CTNND1: variants seen among roughly 807,000 people sequenced by gnomAD.
The protein encoded by CTNND1 is catenin delta 1.
CTNND1 carries 16 observed loss-of-function variants against 112.1 expected under a neutral mutation model. The ratio of observed to expected loss-of-function variants is 0.14; its 90% CI spans 0.10 to 0.22. The LOEUF (loss-of-function observed/expected upper bound fraction) is 0.22, where lower values mean the gene tolerates loss of function less well. CTNND1 is among the 10% of genes least tolerant of loss of function. The pLI is 1.00. For synonymous variants in CTNND1, 420 were observed against 446.5 expected (o/e 0.94, Z 0.75); for missense variants, 1,008 against 1,257.0 (o/e 0.80, Z 3.00).
chr11:57,808,036 T>A, intron 12 of CTNND1, 129 bp from the exon 13 acceptor site: 1 of 978,188 alleles, frequency 1.0e-6, no homozygotes, highest in Admixed American at 2.9e-5. Flanking sequence ...TGTGAGAGAG[T>A]TTAGGGAACC....
intron 1 of CTNND1, among the ~76,000 whole-genome samples, chr11:57,774,976 G>T (rs1319269715): frequency 1.3e-5 from 2 of 151,340 alleles, no homozygotes; most frequent in Admixed American, 6.6e-5. Context: ...GCCTCCCAAA[G>T]TGCTGGGATT....
intron 1 of CTNND1, among the ~76,000 whole-genome samples, chr11:57,771,936 CTTTT>C (rs746241186): frequency 6.9e-6 from 1 of 144,028 alleles, no homozygotes; most frequent in Non-Finnish European, 1.5e-5. Context: ...TTTTCTTTTT[CTTTT>C]TTTTTTTTCT....
intron 1 of CTNND1, among the ~76,000 whole-genome samples, chr11:57,763,302 A>G (rs1035684619): frequency 3.3e-5 from 5 of 152,176 alleles, no homozygotes; most frequent in African/African-American, 1.2e-4. Flanking sequence ...CCTGAAAATT[A>G]TAGATGCTGT....
intron 7 of CTNND1, 80 bp from the exon 8 acceptor site, chr11:57,803,541 G>A (rs543106819): frequency 2.7e-6 from 3 of 1,119,600 alleles, no homozygotes; most frequent in Middle Eastern, 2.5e-4. Flanking sequence ...GAAGTGATAC[G>A]ATAGGGGGAT....
intron 11 of CTNND1, 64 bp downstream of exon 11, chr11:57,806,542 T>G: frequency 2.1e-6 from 3 of 1,425,098 alleles, no homozygotes; most frequent in Non-Finnish European, 2.9e-6. Context: ...TTAGCTTCCC[T>G]AGTATGTCCT....
intron 1 of CTNND1, among the ~76,000 whole-genome samples, chr11:57,772,219 A>G (rs1180717814): frequency 6.6e-6 from 1 of 151,042 alleles, no homozygotes; most frequent in Non-Finnish European, 1.5e-5. Flanking sequence ...GGTGTGAGCT[A>G]CTGTGCCCAG....
At chr11:57,792,415 C>CT (rs2060846552) in intron 3 of CTNND1, among the ~76,000 whole-genome samples, 1 of 152,216 alleles carries the variant, frequency 6.6e-6, no homozygotes, top group South Asian at 2.1e-4. Context: ...CTGTCTTCCT[C>CT]TGTGTGTGTG....
chr11:57,799,690 A>C (rs540561036), intron 6 of CTNND1, among the ~76,000 whole-genome samples: 1 of 152,202 alleles, frequency 6.6e-6, no homozygotes, highest in Non-Finnish European at 1.5e-5. Context: ...CTTTGTATAG[A>C]AAAGGATATA....
chr11:57,804,876 G>A lies in CTNND1; in HGVS notation c.1722+96G>A, dbSNP rs1228109912. ...GAGACCTATCATCTCAGGCTTTCAA[G>A]TAACATTAAATATTTATACTGTCCC... On this transcript the variant is annotated intron_variant, in intron 9 of 20. Transcript: ENST00000399050. 5 of 870,990 alleles carry A rather than the reference G, an allele frequency of 5.7e-6. No homozygotes were observed. The East Asian group carries it at 1.3e-4, about 23-fold the overall frequency. The allele number at this position is 870,990 out of a possible 1,614,324, so 54.0% of individuals were successfully genotyped here. A position where few individuals can be genotyped will look rare whatever the true frequency, so the allele number is the denominator to read the frequency against.
chr11:57,775,743 G>A (rs1293302665), intron 1 of CTNND1, among the ~76,000 whole-genome samples: 1 of 152,124 alleles, frequency 6.6e-6, no homozygotes, highest in Non-Finnish European at 1.5e-5. Context: ...AATATGGGTG[G>A]GGGAGGGGCT....
rs750954167 is a variant in CTNND1, at chr11:57,808,406, G to A, written c.2108G>A (p.Arg703His). The change falls in exon 14 of 21, where the codon CGC becomes CAC. Residue 703 changes from arginine to histidine, a missense_variant. Coordinates refer to ENST00000399050, the MANE Select transcript of CTNND1 (RefSeq NM_001085458.2). ...CTATTCTAGTATGGTCGATACATCC[G>A]CTCTGCTCTGCGTCAAGAGAAGGCT... is the stretch of plus-strand genomic sequence containing the variant. ...AGRWTYGRYI[R>H]SALRQEKALS... 1.9e-6 allele frequency: 3 copies of A among 1,610,750 alleles called. No homozygotes were observed. Among genetic ancestry groups the A allele is most frequent in the South Asian group, 1.1e-5 (1 of 90,736 alleles).
chr11:57,777,158 ATGGC>A (rs1224573334), intron 1 of CTNND1, among the ~76,000 whole-genome samples: 1 of 152,198 alleles, frequency 6.6e-6, no homozygotes, highest in African/African-American at 2.4e-5. Context: ...AGAGTTTGCA[ATGGC>A]TGGGCTCTGC....
Position 57,790,164 on chromosome 11 carries a change from C to T in CTNND1, c.-95+1009C>T, listed in dbSNP as rs144382320. ...CGGTGCCATCTCGGCTCACTACACTCTCCGTCTCCTGGGTTCACGCAATTC... is the reference window on the plus strand; with the variant it reads ...CGGTGCCATCTCGGCTCACTACACTTTCCGTCTCCTGGGTTCACGCAATTC... On this transcript the variant is annotated intron_variant, in intron 2 of 20. Transcript: ENST00000399050. 3.3e-5 allele frequency among the ~76,000 whole-genome samples: 5 copies of T among 152,210 alleles called. 1 individual carries two copies. In the East Asian group the frequency reaches 9.6e-4, roughly 29 times the overall value.
At chr11:57,807,226 T>C (rs1484989815) in intron 12 of CTNND1, among the ~76,000 whole-genome samples, 2 of 152,224 alleles carry the variant, frequency 1.3e-5, no homozygotes, top group Admixed American at 6.5e-5. Context: ...GATGGTAGTA[T>C]AGAGCAGAAA....
intron 17 of CTNND1, among the ~76,000 whole-genome samples, chr11:57,813,638 C>T (rs1435808335): frequency 2.0e-5 from 3 of 152,032 alleles, no homozygotes; most frequent in Non-Finnish European, 2.9e-5. Context: ...GAAGAATAAC[C>T]ACAATTATCT....
intron 2 of CTNND1, among the ~76,000 whole-genome samples, chr11:57,790,638 A>G (rs894499267): frequency 7.1e-6 from 1 of 141,432 alleles, no homozygotes; most frequent in African/African-American, 2.7e-5. Flanking sequence ...GCTCACTGTA[A>G]GCTCCACCTC....
In CTNND1 at chr11:57,818,190, C is replaced by T. The variant is rs708228; in HGVS notation, c.*1882C>T. ...TCTCTTGTCCTCTTCTGCTCTTTTC[C>T]TGGTGCTCTTTTTTCTCGGTGGGGT... On this transcript the variant is annotated 3_prime_UTR_variant, in exon 21 of 21. Transcript: ENST00000399050. 0.25 allele frequency: 38,037 copies of T among 151,994 alleles called. 5,573 individuals are homozygous for T. Among genetic ancestry groups the T allele is most frequent in the Non-Finnish European group, 0.33 (22,404 of 67,880 alleles). The allele number at this position is 151,994 out of a possible 1,614,324, so 9.4% of individuals were successfully genotyped here.
intron 1 of CTNND1, among the ~76,000 whole-genome samples, chr11:57,772,680 C>G (rs764965299): frequency 6.6e-6 from 1 of 152,180 alleles, no homozygotes; most frequent in South Asian, 2.1e-4. Context: ...CATGCATATA[C>G]GAAAGTAAAA....
In CTNND1 at chr11:57,801,892, C is replaced by T. The variant is rs768894021; in HGVS notation, c.1116C>T (p.Ile372=). Reference sequence around the variant, plus strand: ...GACAGCCAGAGCTGCCAGAGGTGATCGCCATGCTTGGATTCCGCTTGGATG... The same window carrying T: ...GACAGCCAGAGCTGCCAGAGGTGATTGCCATGCTTGGATTCCGCTTGGATG... ...NWRQPELPEV[I]AMLGFRLDAV... The change falls in exon 7 of 21, where the codon ATC becomes ATT. Residue 372 remains isoleucine (I), a synonymous_variant. Transcript: ENST00000399050. 34 of 1,614,002 alleles carry T rather than the reference C, an allele frequency of 2.1e-5. No homozygotes were observed. The Admixed American group carries it at 3.8e-4, about 18-fold the overall frequency.
Sources: gnomAD v4.1 joint callset for allele counts (sites outside exome capture counted in the v4.1 genomes callset) on GRCh38, gnomAD v4.1.1 for gene constraint, MANE v1.5 for transcripts, NCBI Gene and HGNC (gene_info 2026-07-23, HGNC 2026-07-21) for gene names.